FBXL7: variants seen among roughly 807,000 people sequenced by gnomAD.
FBXL7 encodes F-box and leucine rich repeat protein 7, also known as F-box/LRR-repeat protein 7.
A neutral mutation model predicts 38.3 loss-of-function variants in FBXL7; 12 were observed. The ratio of observed to expected loss-of-function variants is 0.31; its 90% confidence interval spans 0.20 to 0.51. FBXL7 has a LOEUF of 0.51. Ranked by LOEUF, FBXL7 falls within the 20% of genes least tolerant of loss-of-function variation. The probability of loss-of-function intolerance (pLI) is 0.98; values close to 1 mark genes in which losing one functional copy is unlikely to be tolerated. For synonymous variants in FBXL7, 297 were observed against 300.9 expected (o/e 0.99, Z 0.13); for missense variants, 567 against 676.4 (o/e 0.84, Z 1.79).
chr5:15,608,149 C>T (rs76157743), intron 1 of FBXL7, among the ~76,000 whole-genome samples: 3,359 of 151,586 alleles, frequency 0.022, 45 homozygotes, highest in Admixed American at 0.035. Flanking sequence ...TTTAAATTTC[C>T]TTTCTTAATT....
At chr5:15,739,907 C>A (rs1366691694) in intron 2 of FBXL7, among the ~76,000 whole-genome samples, 1 of 151,974 alleles carries the variant, frequency 6.6e-6, no homozygotes, top group Non-Finnish European at 1.5e-5. Context: ...GTGGAATATA[C>A]CTAGGAGTGC....
At chr5:15,501,388 G>A (rs953323284) in intron 1 of FBXL7, 1 of 978,996 alleles carries the variant, frequency 1.0e-6, no homozygotes, top group South Asian at 4.7e-5. Context: ...AAGGATGATG[G>A]ATGTCTGGGT....
chr5:15,934,265 A>G (rs1384115306), intron 3 of FBXL7, among the ~76,000 whole-genome samples: 1 of 152,210 alleles, frequency 6.6e-6, no homozygotes, highest in Non-Finnish European at 1.5e-5. Flanking sequence ...TGGGCCTCCC[A>G]AAGTGCTGGG....
At chr5:15,862,376 C>G (rs1739513985) in intron 2 of FBXL7, among the ~76,000 whole-genome samples, 1 of 152,182 alleles carries the variant, frequency 6.6e-6, no homozygotes, top group South Asian at 2.1e-4. Context: ...TCCATTAAAC[C>G]CCTTTCATTT....
intron 2 of FBXL7, among the ~76,000 whole-genome samples, chr5:15,820,436 A>G (rs1738139547): frequency 6.6e-6 from 1 of 151,592 alleles, no homozygotes; most frequent in Admixed American, 6.6e-5. Flanking sequence ...CTGGCCTTTT[A>G]CTTTTCTTAT....
At chr5:15,851,050 G>A (rs1048231218) in intron 2 of FBXL7, among the ~76,000 whole-genome samples, 2 of 152,106 alleles carry the variant, frequency 1.3e-5, no homozygotes, top group Admixed American at 6.6e-5. Flanking sequence ...TTGAAAACAC[G>A]ACTCTGAGAT....
intron 2 of FBXL7, among the ~76,000 whole-genome samples, chr5:15,861,535 T>A (rs1209497220): frequency 6.6e-6 from 1 of 152,200 alleles, no homozygotes; most frequent in East Asian, 1.9e-4. Context: ...ACTTGGTGAT[T>A]CTCAGAGCCA....
intron 1 of FBXL7, among the ~76,000 whole-genome samples, chr5:15,504,103 A>C (rs572342044): frequency 6.6e-6 from 1 of 152,368 alleles, no homozygotes; most frequent in African/African-American, 2.4e-5. Flanking sequence ...TGCATGTTAA[A>C]GTTGAGAGAA....
At chr5:15,516,257 T>C (rs1324435485) in intron 1 of FBXL7, among the ~76,000 whole-genome samples, 2 of 152,218 alleles carry the variant, frequency 1.3e-5, no homozygotes, top group Non-Finnish European at 2.9e-5. Flanking sequence ...GTATTTTTTC[T>C]TGGAATATTC....
intron 1 of FBXL7, among the ~76,000 whole-genome samples, chr5:15,584,499 C>G (rs957808685): frequency 6.6e-6 from 1 of 152,192 alleles, no homozygotes; most frequent in Admixed American, 6.5e-5. Context: ...GACCTTTGCT[C>G]TAGTTTCCAG....
chr5:15,866,669 C>G (rs1436843455), intron 2 of FBXL7, among the ~76,000 whole-genome samples: 7 of 148,196 alleles, frequency 4.7e-5, no homozygotes, highest in South Asian at 2.2e-4. Flanking sequence ...CCTCACCCCC[C>G]ACCCCCCAAC....
intron 1 of FBXL7, among the ~76,000 whole-genome samples, chr5:15,595,221 T>C (rs562225176): frequency 6.6e-6 from 1 of 152,322 alleles, no homozygotes; most frequent in East Asian, 1.9e-4. Flanking sequence ...CTACGTTAAG[T>C]GCCAAATGAC....
At chr5:15,734,053 T>G (rs1735683011) in intron 2 of FBXL7, among the ~76,000 whole-genome samples, 1 of 150,718 alleles carries the variant, frequency 6.6e-6, no homozygotes, top group South Asian at 2.1e-4. Context: ...GATGGAGGGT[T>G]GCAGTGCACC....
intron 2 of FBXL7, among the ~76,000 whole-genome samples, chr5:15,793,990 A>G (rs1012143585): frequency 3.9e-5 from 6 of 152,214 alleles, no homozygotes; most frequent in African/African-American, 1.4e-4. Context: ...TTCAGTGGCA[A>G]CGCATTTTTG....
At chr5:15,776,619 A>G (rs75515204) in intron 2 of FBXL7, among the ~76,000 whole-genome samples, 1,580 of 152,208 alleles carry the variant, frequency 0.01, 30 homozygotes, top group African/African-American at 0.036. Flanking sequence ...GGGGCTCAAC[A>G]TATGTGATGG....
At chr5:15,892,337 A>G (rs568408472) in intron 2 of FBXL7, among the ~76,000 whole-genome samples, 26 of 152,324 alleles carry the variant, frequency 1.7e-4, no homozygotes, top group African/African-American at 6.3e-4. Flanking sequence ...TGCATGTTCT[A>G]CAAAGACTGT....
intron 2 of FBXL7, among the ~76,000 whole-genome samples, chr5:15,773,986 T>A (rs1461185049): frequency 6.6e-6 from 1 of 152,172 alleles, no homozygotes; most frequent in East Asian, 1.9e-4. Flanking sequence ...ACATATATTT[T>A]ATTACATTTT....
At chr5:15,501,779 C>A (rs1736492962) in intron 1 of FBXL7, 1 of 976,954 alleles carries the variant, frequency 1.0e-6, no homozygotes, top group African/African-American at 1.8e-5. Flanking sequence ...AGAAACCGAC[C>A]CTACAAAAAC....
At chr5:15,577,595 TG>T (rs1417147953) in intron 1 of FBXL7, among the ~76,000 whole-genome samples, 5 of 1,130 alleles carry the variant, frequency 4.4e-3, no homozygotes, top group Non-Finnish European at 7.3e-3. Context: ...TAATGCATTT[TG>T]TGTGTGTGTG....
Sources: gnomAD v4.1 joint callset for allele counts (sites outside exome capture counted in the v4.1 genomes callset) on GRCh38, gnomAD v4.1.1 for gene constraint, MANE v1.5 for transcripts, NCBI Gene and HGNC (gene_info 2026-07-23, HGNC 2026-07-21) for gene names.